Variants in STPG2 observed in about 807,000 individuals in gnomAD.
The protein encoded by STPG2 is sperm-tail PG-rich repeat-containing protein 2.
Under a neutral mutation model 54.2 loss-of-function variants are expected in STPG2, and 56 were observed. The observed-to-expected ratio is 1.03, with a 90% CI of 0.83 to 1.29. STPG2 has a LOEUF of 1.29. Among genes scored for constraint, STPG2 ranks in the 50% most tolerant of loss-of-function variants. STPG2 has a pLI of 0.00. For synonymous variants in STPG2, 200 were observed against 181.8 expected, an observed-to-expected ratio of 1.10 and a Z score of -0.81; for missense variants, 596 against 544.9, an observed-to-expected ratio of 1.09 and a Z score of -0.93.
At chr4:97,477,029 G>A (rs1730089207) in intron 4 of STPG2, among the ~76,000 whole-genome samples, 1 of 152,190 alleles carries the variant, frequency 6.6e-6, no homozygotes, top group Admixed American at 6.5e-5. Context: ...TCACCAGCAT[G>A]GAGTAGACCA....
intron 9 of STPG2, among the ~76,000 whole-genome samples, chr4:97,735,030 G>A (rs146502630): frequency 1.4e-3 from 205 of 149,432 alleles, no homozygotes; most frequent in African/African-American, 4.6e-3. Context: ...TTGAGATGGC[G>A]TCACTGCACT....
intron 9 of STPG2, among the ~76,000 whole-genome samples, chr4:97,751,813 T>G (rs1725589885): frequency 1.3e-5 from 2 of 151,736 alleles, no homozygotes; most frequent in African/African-American, 4.8e-5. Flanking sequence ...AAGCAGATTG[T>G]GAGAGGACTT....
intron 8 of STPG2, among the ~76,000 whole-genome samples, chr4:97,915,690 A>G (rs887676455): frequency 6.6e-6 from 1 of 152,114 alleles, no homozygotes; most frequent in African/African-American, 2.4e-5. Context: ...CGGAGGCAGG[A>G]AAGTTCAGTA....
intron 10 of STPG2, among the ~76,000 whole-genome samples, chr4:97,652,560 T>A (rs1020007313): frequency 1.3e-5 from 2 of 151,916 alleles, no homozygotes; most frequent in African/African-American, 4.8e-5. Context: ...AATTTACATC[T>A]TTTACCTAAA....
intron 8 of STPG2, among the ~76,000 whole-genome samples, chr4:97,863,773 G>C (rs556166956): frequency 6.6e-6 from 1 of 152,148 alleles, no homozygotes; most frequent in Non-Finnish European, 1.5e-5. Context: ...CTTCATCCCT[G>C]GGATGCAAGG....
intron 4 of STPG2, among the ~76,000 whole-genome samples, chr4:97,527,586 A>G (rs1044146814): frequency 6.6e-6 from 1 of 152,188 alleles, no homozygotes; most frequent in African/African-American, 2.4e-5. Context: ...TGTCTTCCAC[A>G]ATGGTTGAAC....
chr4:97,809,317 C>T (rs571327516), intron 9 of STPG2, among the ~76,000 whole-genome samples: 9 of 152,208 alleles, frequency 5.9e-5, no homozygotes, highest in African/African-American at 2.2e-4. Flanking sequence ...ACTGAGTAAA[C>T]TAGTTGTGAC....
At chr4:97,651,786 G>C (rs1203283430) in intron 10 of STPG2, among the ~76,000 whole-genome samples, 1 of 151,836 alleles carries the variant, frequency 6.6e-6, no homozygotes, top group Non-Finnish European at 1.5e-5. Context: ...AGAGAAGTTT[G>C]AATATGAAAA....
At chr4:97,959,629 T>C (rs576224189) in intron 7 of STPG2, among the ~76,000 whole-genome samples, 1 of 151,772 alleles carries the variant, frequency 6.6e-6, no homozygotes, top group Admixed American at 6.6e-5. Context: ...CCTGGAAAGA[T>C]ACAACCAACC....
chr4:98,130,048 T>C (rs919488658), intron 2 of STPG2, among the ~76,000 whole-genome samples: 57 of 150,380 alleles, frequency 3.8e-4, no homozygotes, highest in Non-Finnish European at 7.2e-4. Context: ...TTAGTAGAGA[T>C]GGGGTTTCAC....
intron 10 of STPG2, among the ~76,000 whole-genome samples, chr4:97,664,486 T>G (rs1208069357): frequency 6.6e-6 from 1 of 152,188 alleles, no homozygotes; most frequent in Non-Finnish European, 1.5e-5. Flanking sequence ...GAGTTCTTTC[T>G]CTATTTCCTC....
intron 9 of STPG2, among the ~76,000 whole-genome samples, chr4:97,821,521 G>A (rs576587131): frequency 3.3e-5 from 5 of 152,252 alleles, no homozygotes; most frequent in African/African-American, 1.2e-4. Context: ...GTGCCCCAGC[G>A]GGGAATCTGT....
intron 4 of STPG2, among the ~76,000 whole-genome samples, chr4:97,489,526 A>C (rs1730452516): frequency 6.6e-6 from 1 of 151,660 alleles, no homozygotes; most frequent in Non-Finnish European, 1.5e-5. Context: ...GACTCTGAAA[A>C]TATGGATCTA....
At chr4:97,626,018 A>G (rs1714099502) in intron 10 of STPG2, among the ~76,000 whole-genome samples, 1 of 152,220 alleles carries the variant, frequency 6.6e-6, no homozygotes, top group Admixed American at 6.5e-5. Context: ...AACTGCTGTG[A>G]AAAGTTAACA....
chr4:97,764,826 C>T (rs767286863), intron 9 of STPG2, among the ~76,000 whole-genome samples: 4 of 152,030 alleles, frequency 2.6e-5, no homozygotes, highest in Non-Finnish European at 4.4e-5. Flanking sequence ...CATGGAGTCT[C>T]AGCCAGCAAC....
intron 10 of STPG2, among the ~76,000 whole-genome samples, chr4:97,693,501 A>G (rs1212972806): frequency 2.6e-5 from 4 of 152,184 alleles, no homozygotes; most frequent in Non-Finnish European, 5.9e-5. Flanking sequence ...CTAAATATAT[A>G]TGCACTAACA....
At chr4:98,113,825 T>A (rs1277240500) in intron 3 of STPG2, among the ~76,000 whole-genome samples, 1 of 151,942 alleles carries the variant, frequency 6.6e-6, no homozygotes, top group Non-Finnish European at 1.5e-5. Flanking sequence ...ACATAGGGTA[T>A]ATATACACTA....
chr4:97,616,977 A>T (rs1160697173), intron 10 of STPG2, among the ~76,000 whole-genome samples: 1 of 152,128 alleles, frequency 6.6e-6, no homozygotes, highest in Admixed American at 6.6e-5. Context: ...AAATTTTCTC[A>T]AATTCTAAAA....
At chr4:97,974,695 C>T (rs1441626235) in intron 6 of STPG2, among the ~76,000 whole-genome samples, 2 of 152,142 alleles carry the variant, frequency 1.3e-5, no homozygotes, top group Non-Finnish European at 2.9e-5. Context: ...TTGTCTGCTG[C>T]CATGTGAGAT....
Sources: allele counts gnomAD v4.1 joint callset (sites outside exome capture counted in the v4.1 genomes callset), GRCh38; gene constraint gnomAD v4.1.1; transcripts MANE v1.5; gene names NCBI Gene and HGNC (gene_info 2026-07-23, HGNC 2026-07-21).